The following DNAH11 variants were observed in gnomAD, a reference collection of about 807,000 sequenced individuals.
DNAH11 encodes the protein dynein axonemal heavy chain 11.
A neutral mutation model predicts 526.0 loss-of-function variants in DNAH11; 442 were observed. The observed-to-expected ratio is 0.84, with a 90% CI of 0.78 to 0.91. The LOEUF is 0.91. Ranked by LOEUF, DNAH11 falls within the 40% of genes least tolerant of loss-of-function variation. DNAH11 has a pLI of 0.00. For synonymous variants in DNAH11, 2,461 were observed against 1,935.9 expected (o/e 1.27, Z -7.12); for missense variants, 6,989 against 5,448.7 (o/e 1.28, Z -8.90).
At chr7:21,620,118 T>C (rs1432640057) in intron 25 of DNAH11, 40 bp downstream of exon 25, 2 of 1,441,160 alleles carry the variant, frequency 1.4e-6, no homozygotes, top group East Asian at 2.6e-5. Flanking sequence ...TTTCATTTTA[T>C]TTTTATTTGA....
chr7:21,583,394 A>T (rs1309656896), intron 9 of DNAH11, among the ~76,000 whole-genome samples: 1 of 152,152 alleles, frequency 6.6e-6, no homozygotes, highest in African/African-American at 2.4e-5. Context: ...TATGCAGAAA[A>T]CGGAAACTGG....
At chr7:21,645,508 C>T (rs1349880151) in intron 28 of DNAH11, among the ~76,000 whole-genome samples, 1 of 152,046 alleles carries the variant, frequency 6.6e-6, no homozygotes, top group Non-Finnish European at 1.5e-5. Context: ...AGAAGCTGAT[C>T]AGAGCTTTCA....
intron 9 of DNAH11, among the ~76,000 whole-genome samples, chr7:21,583,067 AC>A (rs1784370085): frequency 6.6e-6 from 1 of 152,226 alleles, no homozygotes; most frequent in Non-Finnish European, 1.5e-5. Flanking sequence ...GACTTTCTTC[AC>A]AGAATTAGAA....
intron 26 of DNAH11, among the ~76,000 whole-genome samples, chr7:21,636,905 C>T (rs1452084283): frequency 1.3e-5 from 2 of 152,100 alleles, no homozygotes; most frequent in African/African-American, 4.8e-5. Flanking sequence ...GAAAATAACA[C>T]TACTAGTTTC....
Position 21,714,309 on chromosome 7 carries a change from A to T in DNAH11, c.6983+2449A>T, listed in dbSNP as rs541299053. 2.0e-5 allele frequency among the ~76,000 whole-genome samples: 3 copies of T among 152,334 alleles called. No individual in the cohort carries two copies. In the South Asian group the frequency reaches 6.2e-4, roughly 32 times the overall value. Reference sequence around the variant, plus strand: ...TGTTTTATCCAGAATTAATGGGTAGATGTTAATTTTCATATGTGTGACCAA... The same window carrying T: ...TGTTTTATCCAGAATTAATGGGTAGTTGTTAATTTTCATATGTGTGACCAA... On this transcript the variant is annotated intron_variant, in intron 42 of 81. Coordinates refer to ENST00000409508, the MANE Select transcript of DNAH11 (RefSeq NM_001277115.2).
chr7:21,784,677 TA>T (rs1788097419), intron 58 of DNAH11, 137 bp downstream of exon 58: 1 of 604,438 alleles, frequency 1.7e-6, no homozygotes. Flanking sequence ...CATGAAATAT[TA>T]AAGTTGAAAC....
chr7:21,616,014 G>A (rs1009457144), intron 21 of DNAH11, among the ~76,000 whole-genome samples, 195 bp from the exon 22 acceptor site: 1 of 152,116 alleles, frequency 6.6e-6, no homozygotes, highest in East Asian at 1.9e-4. Context: ...TAATGTTTTA[G>A]CCTTTAGCTT....
chr7:21,801,562 C>G (rs1383050331), intron 62 of DNAH11, among the ~76,000 whole-genome samples: 1 of 152,184 alleles, frequency 6.6e-6, no homozygotes, highest in African/African-American at 2.4e-5. Flanking sequence ...CACTTTAAGA[C>G]AATGGAGTAC....
intron 40 of DNAH11, 27 bp downstream of exon 40, chr7:21,707,862 A>G (rs1562500944): frequency 6.5e-7 from 1 of 1,538,052 alleles, no homozygotes; most frequent in Non-Finnish European, 8.7e-7. Flanking sequence ...AGAAGTGCTC[A>G]ATTTTTTTTT....
intron 5 of DNAH11, chr7:21,561,447 TAAA>T: frequency 3.8e-5 from 9 of 239,514 alleles, no homozygotes; most frequent in South Asian, 1.1e-4. Context: ...CATTCGGAGT[TAAA>T]AAAAAAAAAT....
At chr7:21,658,031 A>G (rs1782089845) in intron 29 of DNAH11, among the ~76,000 whole-genome samples, 1 of 152,158 alleles carries the variant, frequency 6.6e-6, no homozygotes, top group Admixed American at 6.6e-5. Context: ...TGCAAATAAT[A>G]TATGTATCAC....
chr7:21,897,111 G>C (rs761788125), intron 79 of DNAH11, among the ~76,000 whole-genome samples: 104 of 152,142 alleles, frequency 6.8e-4, no homozygotes, highest in African/African-American at 2.5e-3. Context: ...ATAATTATCA[G>C]TTCCAGGTTT....
chr7:21,807,420 G>C (rs1313383518), intron 62 of DNAH11, among the ~76,000 whole-genome samples: 1 of 152,174 alleles, frequency 6.6e-6, no homozygotes, highest in Non-Finnish European at 1.5e-5. Context: ...GATGGCTTAA[G>C]CCCAGGAGGT....
At chr7:21,736,462 G>T (rs906491038) in intron 46 of DNAH11, among the ~76,000 whole-genome samples, 7 of 152,202 alleles carry the variant, frequency 4.6e-5, no homozygotes, top group African/African-American at 1.7e-4. Flanking sequence ...GGCTCTGTTG[G>T]GGGGCAACCA....
chr7:21,624,966 A>G (rs190418193), intron 25 of DNAH11, among the ~76,000 whole-genome samples: 1 of 151,844 alleles, frequency 6.6e-6, no homozygotes, highest in East Asian at 1.9e-4. Flanking sequence ...TTTTTAATGT[A>G]TGTTCATCAG....
rs1300606716 is a variant in DNAH11, at chr7:21,901,018, G to A, written c.13315G>A (p.Asp4439Asn). ...TGTTTTTGCCATAGGCGCCCGCTGG[G>A]ACACCCAAGCAGGAACCATTGTTGA... ...HGLFMEGARW[D>N]TQAGTIVEAR... Residue 4439 changes from aspartate (D) to asparagine (N), a missense_variant, in exon 82 of 82, where the codon GAC becomes AAC. By Grantham distance (23) the Asp-to-Asn change is conservative. Coordinates refer to ENST00000409508, the MANE Select transcript of DNAH11 (RefSeq NM_001277115.2). 9 of 1,593,570 alleles carry A rather than the reference G, an allele frequency of 5.6e-6. No individual in the cohort carries two copies. In the Admixed American group the frequency reaches 1.6e-4, roughly 28 times the overall value.
At chr7:21,841,447 C>G (rs1000846264) in intron 65 of DNAH11, among the ~76,000 whole-genome samples, 2 of 152,162 alleles carry the variant, frequency 1.3e-5, no homozygotes, top group African/African-American at 4.8e-5. Flanking sequence ...AAAAAAACAT[C>G]ACTTCCTGCT....
chr7:21,564,397 G>A lies in DNAH11; in HGVS notation c.1194G>A (p.Gln398=). 6.2e-7 allele frequency: 1 copy of A among 1,603,994 alleles called. No individual in the cohort carries two copies. The highest frequency in any genetic ancestry group is 1.3e-5 in the African/African-American group (1 of 74,648). Residue 398 remains glutamine (Q), a splice_region_variant and synonymous_variant, in exon 6 of 82, where the codon CAG becomes CAA. Coordinates refer to ENST00000409508, the MANE Select transcript of DNAH11 (RefSeq NM_001277115.2). The part of the protein sequence containing the change: ...LQEFCNLFIN[Q]ATAYLSPEDL... Reference sequence around the variant, plus strand: ...AGTTTTGTAATCTCTTCATTAACCAGGTATGAAGCATCAAAAAACAGGAAC... The same window carrying A: ...AGTTTTGTAATCTCTTCATTAACCAAGTATGAAGCATCAAAAAACAGGAAC...
intron 78 of DNAH11, 28 bp downstream of exon 78, chr7:21,894,833 C>CTTCA: frequency 1.2e-6 from 2 of 1,611,462 alleles, no homozygotes; most frequent in Non-Finnish European, 1.7e-6. Context: ...CTATAGTAGA[C>CTTCA]TTCAGCACAT....
Sources: allele counts gnomAD v4.1 joint callset (sites outside exome capture counted in the v4.1 genomes callset), GRCh38; gene constraint gnomAD v4.1.1; transcripts MANE v1.5; gene names NCBI Gene and HGNC (gene_info 2026-07-23, HGNC 2026-07-21).